The following RFTN2 variants were observed in gnomAD, a reference collection of about 807,000 sequenced individuals.
RFTN2 encodes raftlin-2.
Under a neutral mutation model 52.7 loss-of-function variants are expected in RFTN2, and 34 were observed. The observed-to-expected ratio is 0.64, with a 90% CI of 0.49 to 0.86. The LOEUF (loss-of-function observed/expected upper bound fraction) is 0.86, where lower values mean the gene tolerates loss of function less well. RFTN2 is among the 40% of genes least tolerant of loss of function. The pLI is 0.00. For missense variants in RFTN2, 536 were observed against 600.1 expected (o/e 0.89, Z 1.12); for synonymous variants, 203 against 217.7 (o/e 0.93, Z 0.59).
intron 7 of RFTN2, among the ~76,000 whole-genome samples, chr2:197,613,879 T>A (rs2088101430): frequency 6.6e-6 from 1 of 152,236 alleles, no homozygotes; most frequent in South Asian, 2.1e-4. Context: ...GCAATTAATG[T>A]TAAAATTACA....
chr2:197,632,964 A>G (rs146133798), intron 4 of RFTN2, among the ~76,000 whole-genome samples: 114 of 152,306 alleles, frequency 7.5e-4, no homozygotes, highest in African/African-American at 2.3e-3. Context: ...CAACAACCCA[A>G]TGAGGGAGTT....
chr2:197,640,781 C>T (rs1422575818), intron 3 of RFTN2, among the ~76,000 whole-genome samples: 4 of 152,202 alleles, frequency 2.6e-5, no homozygotes, highest in Non-Finnish European at 4.4e-5. Context: ...TATTTTTACA[C>T]TCAGCACTTT....
intron 1 of RFTN2, among the ~76,000 whole-genome samples, chr2:197,668,909 A>G (rs1020963866): frequency 6.6e-6 from 1 of 152,128 alleles, no homozygotes; most frequent in Non-Finnish European, 1.5e-5. Flanking sequence ...CCACAGTGGG[A>G]AGGTGAAGTA....
intron 3 of RFTN2, among the ~76,000 whole-genome samples, chr2:197,635,440 G>A (rs1364615789): frequency 6.6e-6 from 1 of 152,184 alleles, no homozygotes; most frequent in East Asian, 1.9e-4. Context: ...TAACTGGTGT[G>A]AGATGGTATC....
At chr2:197,628,007 AT>A (rs917633605) in intron 5 of RFTN2, among the ~76,000 whole-genome samples, 3 of 151,710 alleles carry the variant, frequency 2.0e-5, no homozygotes, top group Non-Finnish European at 2.9e-5. Context: ...TTCTGACAAT[AT>A]TTTGGAAGAG....
In RFTN2 at chr2:197,569,160, G is replaced by A. The variant is rs1447306103; in HGVS notation, c.*2848C>T. ...AACACTTGGTATTGAAAACGAAGAT[G>A]AAAATGCCATAGATACTACACCAAG... On this transcript the variant is annotated 3_prime_UTR_variant, in exon 9 of 9. Transcript: ENST00000295049. The A allele has an allele frequency of 6.6e-6, 1 of 152,158 alleles. No homozygotes were observed. The highest frequency in any genetic ancestry group is 1.5e-5 in the Non-Finnish European group (1 of 68,028). 9.4% of individuals were successfully genotyped at this position (152,158 alleles called of 1,614,324 possible). A position where few individuals can be genotyped will look rare whatever the true frequency, so the allele number is the denominator to read the frequency against.
chr2:197,585,711 G>A (rs2087585206), intron 8 of RFTN2, among the ~76,000 whole-genome samples: 1 of 151,934 alleles, frequency 6.6e-6, no homozygotes, highest in South Asian at 2.1e-4. Context: ...TACAGACTGG[G>A]CAACATCTCC....
chr2:197,639,857 C>T lies in RFTN2; in HGVS notation c.438+4301G>A, dbSNP rs1165915901. 6.3e-5 allele frequency among the ~76,000 whole-genome samples: 9 copies of T among 143,902 alleles called. No homozygotes were observed. In the South Asian group the frequency reaches 1.2e-3, roughly 19 times the overall value. The allele number at this position is 143,902 out of a possible 152,430, so 94.4% of individuals were successfully genotyped here. On this transcript the variant is annotated intron_variant, in intron 3 of 8. Coordinates refer to ENST00000295049, the MANE Select transcript of RFTN2 (RefSeq NM_144629.3). The stretch of plus-strand genomic sequence containing the variant: ...CCAGTTTTTCTGTTCTGTTTTTTCC[C>T]CATCTTTGTGGTTTTATCTACTTTT...
Position 197,570,252 on chromosome 2 carries a change from T to TG in RFTN2, c.*1755dup, listed in dbSNP as rs2087295035. ...CAAAAACCATTTCTGCAAATATTGT[T>TG]GACAGCTATTGCTATAGAATAAGAC... is the stretch of plus-strand genomic sequence containing the variant. On this transcript the variant is annotated 3_prime_UTR_variant, in exon 9 of 9. Coordinates refer to ENST00000295049, the MANE Select transcript of RFTN2 (RefSeq NM_144629.3). 1.3e-5 allele frequency: 2 copies of TG among 152,228 alleles called. No individual in the cohort carries two copies. Among genetic ancestry groups the TG allele is most frequent in the Admixed American group, 1.3e-4 (2 of 15,278 alleles). The allele number at this position is 152,228 out of a possible 1,614,324, so 9.4% of individuals were successfully genotyped here.
intron 1 of RFTN2, among the ~76,000 whole-genome samples, chr2:197,664,855 T>A (rs2089029048): frequency 6.6e-6 from 1 of 152,222 alleles, no homozygotes; most frequent in African/African-American, 2.4e-5. Context: ...TTCCATGTGC[T>A]AATAAGAATG....
intron 1 of RFTN2, among the ~76,000 whole-genome samples, chr2:197,657,209 A>G (rs2088907001): frequency 6.6e-6 from 1 of 152,148 alleles, no homozygotes; most frequent in Non-Finnish European, 1.5e-5. Context: ...CAATTCTTAT[A>G]TAATATTTCC....
At chr2:197,617,761 A>T (rs746402264) in intron 6 of RFTN2, 39 bp downstream of exon 6, 1 of 906,118 alleles carries the variant, frequency 1.1e-6, no homozygotes, top group Admixed American at 3.1e-5. Flanking sequence ...TATTATATTT[A>T]TATATGTAAA....
At chr2:197,634,676 A>G (rs2088530083) in intron 3 of RFTN2, among the ~76,000 whole-genome samples, 1 of 151,512 alleles carries the variant, frequency 6.6e-6, no homozygotes, top group Admixed American at 6.6e-5. Flanking sequence ...TGGGAACTTA[A>G]GAATGCTTAT....
At chr2:197,628,626 A>AAGAG (rs923290581) in intron 5 of RFTN2, among the ~76,000 whole-genome samples, 2 of 151,522 alleles carry the variant, frequency 1.3e-5, no homozygotes, top group African/African-American at 2.4e-5. Flanking sequence ...GAGAAAGAGA[A>AAGAG]AGAGAGAGAG....
At chr2:197,620,393 C>G (rs925951256) in intron 5 of RFTN2, among the ~76,000 whole-genome samples, 1 of 152,166 alleles carries the variant, frequency 6.6e-6, no homozygotes, top group African/African-American at 2.4e-5. Context: ...TTCCCATGGT[C>G]ATGTGCTGCT....
At chr2:197,654,413 A>G (rs1033885082) in intron 1 of RFTN2, among the ~76,000 whole-genome samples, 8 of 152,120 alleles carry the variant, frequency 5.3e-5, no homozygotes, top group Non-Finnish European at 1.2e-4. Context: ...CAAAAAAATC[A>G]AAAACAAAAA....
chr2:197,649,064 A>G (rs2088790848), intron 1 of RFTN2, among the ~76,000 whole-genome samples: 1 of 152,232 alleles, frequency 6.6e-6, no homozygotes, highest in African/African-American at 2.4e-5. Context: ...TTAAGAAATG[A>G]AGTTATTGCA....
chr2:197,624,941 T>C (rs2088330565), intron 5 of RFTN2, among the ~76,000 whole-genome samples: 1 of 152,108 alleles, frequency 6.6e-6, no homozygotes, highest in East Asian at 1.9e-4. Flanking sequence ...AGGGCGAGAC[T>C]CTATCCCCAA....
chr2:197,596,815 T>C (rs936560455), intron 7 of RFTN2, among the ~76,000 whole-genome samples: 1 of 152,208 alleles, frequency 6.6e-6, no homozygotes, highest in Non-Finnish European at 1.5e-5. Context: ...ACTTCAACTA[T>C]AGCTAGATTT....
Sources: allele counts gnomAD v4.1 joint callset (sites outside exome capture counted in the v4.1 genomes callset), GRCh38; gene constraint gnomAD v4.1.1; transcripts MANE v1.5; gene names NCBI Gene and HGNC (gene_info 2026-07-23, HGNC 2026-07-21).